Variants in C6orf58 observed in about 807,000 individuals in gnomAD.
The protein encoded by C6orf58 is chromosome 6 open reading frame 58, also known as protein LEG1 homolog.
A neutral mutation model predicts 37.0 loss-of-function variants in C6orf58; 30 were observed. That is an observed-to-expected ratio of 0.81 (90% CI 0.61 to 1.10). The LOEUF is 1.10. Ranked by LOEUF, C6orf58 falls within the 50% of genes least tolerant of loss-of-function variation. C6orf58 has a pLI of 0.00. For synonymous variants in C6orf58, 143 were observed against 134.1 expected (o/e 1.07, Z -0.46); for missense variants, 368 against 387.5 (o/e 0.95, Z 0.42).
chr6:127,588,173 C>T (rs559691823), intron 4 of C6orf58, among the ~76,000 whole-genome samples: 1 of 152,108 alleles, frequency 6.6e-6, no homozygotes, highest in African/African-American at 2.4e-5. Flanking sequence ...ATCAGACAAG[C>T]CTGGTTGTTT....
intron 4 of C6orf58, 65 bp downstream of exon 4, chr6:127,581,347 A>G (rs1202565114): frequency 2.9e-5 from 19 of 652,880 alleles, no homozygotes; most frequent in Non-Finnish European, 3.9e-5. Context: ...TTATTTATAT[A>G]TTTTTCTTCT....
chr6:127,581,646 A>G (rs1194849813), intron 4 of C6orf58, among the ~76,000 whole-genome samples: 1 of 152,180 alleles, frequency 6.6e-6, no homozygotes, highest in Non-Finnish European at 1.5e-5. Flanking sequence ...TAAATGTAGC[A>G]GAATTCACTT....
intron 3 of C6orf58, 138 bp downstream of exon 3, chr6:127,580,587 T>C (rs977533135): frequency 6.5e-6 from 4 of 611,092 alleles, no homozygotes; most frequent in East Asian, 5.5e-5. Flanking sequence ...ATTAATAGTA[T>C]ATTGTAGAGT....
rs1307928051 is a variant in C6orf58 at position 127,580,264 on chromosome 6, G to C, written c.389-1G>C. On this transcript the variant is annotated splice_acceptor_variant, in intron 2 of 5. Coordinates refer to ENST00000329722, the MANE Select transcript of C6orf58 (RefSeq NM_001010905.3). LOFTEE classifies it high-confidence loss of function. ...TAATAGTAAATCTTTTGTTCTTACA[G>C]ATTTGAATTATTTTCTGTCTTCATT... 2 of 1,605,630 alleles carry C rather than the reference G, an allele frequency of 1.2e-6. No individual in the cohort carries two copies. Among genetic ancestry groups the C allele is most frequent in the African/African-American group, 1.3e-5 (1 of 74,702 alleles).
chr6:127,590,598 T>C (rs1384334276), intron 5 of C6orf58, among the ~76,000 whole-genome samples: 17 of 152,096 alleles, frequency 1.1e-4, no homozygotes, highest in Admixed American at 1.1e-3. Flanking sequence ...ACACTTTTGT[T>C]TTGTTCTACA....
At chr6:127,577,554 A>T in intron 1 of C6orf58, 68 bp downstream of exon 1, 2 of 1,332,278 alleles carry the variant, frequency 1.5e-6, no homozygotes, top group Non-Finnish European at 2.1e-6. Context: ...GGGAAATTGG[A>T]CTCTGTATAT....
chr6:127,590,051 T>C (rs1775145428), intron 4 of C6orf58, 36 bp from the exon 5 acceptor site: 1 of 1,430,790 alleles, frequency 7.0e-7, no homozygotes, highest in Admixed American at 1.8e-5. Context: ...CTGAGGTGAC[T>C]AATTATAATT....
intron 3 of C6orf58, among the ~76,000 whole-genome samples, chr6:127,580,878 G>A (rs1431687829): frequency 6.6e-6 from 1 of 151,912 alleles, no homozygotes; most frequent in South Asian, 2.1e-4. Flanking sequence ...TGTTACTCAC[G>A]ATTTTATGGT....
At chr6:127,578,545 A>T (rs1041510822) in intron 1 of C6orf58, 141 bp from the exon 2 acceptor site, 25 of 507,584 alleles carry the variant, frequency 4.9e-5, no homozygotes, top group Non-Finnish European at 7.4e-5. Flanking sequence ...AGATAAAAAA[A>T]GAATGATGGG....
rs756672403 is a variant in C6orf58, at chr6:127,590,317, A to C, written c.905A>C (p.Lys302Thr). ...VLLNMLDNVDKSIGYLCTEKS... is the reference protein window; with the variant it reads ...VLLNMLDNVDTSIGYLCTEKS... ...CTAAATATGCTTGACAATGTGGATA[A>C]ATCTATAGGTAAGAACCTTAAAAGG... The change falls in exon 5 of 6, where the codon AAA (lysine) becomes ACA (threonine). Residue 302 changes from lysine to threonine, a missense_variant. Coordinates refer to ENST00000329722, the MANE Select transcript of C6orf58 (RefSeq NM_001010905.3). 1 of 1,589,808 alleles carries C rather than the reference A, an allele frequency of 6.3e-7. No individual in the cohort carries two copies. The highest frequency in any genetic ancestry group is 8.6e-7 in the Non-Finnish European group (1 of 1,161,420).
chr6:127,580,286 C>T lies in C6orf58; in HGVS notation c.410C>T (p.Ser137Leu). 1.2e-6 allele frequency: 2 copies of T among 1,611,700 alleles called. No homozygotes were observed. The highest frequency in any genetic ancestry group is 4.5e-5 in the East Asian group (2 of 44,798). The change falls in exon 3 of 6, where the codon TCA becomes TTA. Residue 137 changes from serine to leucine, a missense_variant. By Grantham distance (145) the Ser-to-Leu change is moderately radical. Coordinates refer to ENST00000329722, the MANE Select transcript of C6orf58 (RefSeq NM_001010905.3). The part of the protein sequence containing the change: ...WWADLNYFLS[S>L]LPFLAAVDSG... ...ACAGATTTGAATTATTTTCTGTCTTCATTACCCTTTCTTGCTGCGGTTGAT... is the reference window on the plus strand; with the variant it reads ...ACAGATTTGAATTATTTTCTGTCTTTATTACCCTTTCTTGCTGCGGTTGAT...
chr6:127,591,582 A>T lies in C6orf58; in HGVS notation c.953A>T (p.His318Leu). The change falls in exon 6 of 6, where the codon CAT becomes CTT. Residue 318 changes from histidine (H) to leucine (L), a missense_variant. Physicochemically the swap from His to Leu is moderately conservative, Grantham distance 99 (BLOSUM62 -3). Transcript: ENST00000329722. ...CTEKSNVYRD[H>L]SESSSRSYGN... ...GAAAAATCTAATGTATATAGAGATC[A>T]TTCGGAATCTAGCTCTAGAAGTTAT... is the stretch of plus-strand genomic sequence containing the variant. 1 of 1,532,592 alleles carries T rather than the reference A, an allele frequency of 6.5e-7. No individual in the cohort carries two copies. The highest frequency in any genetic ancestry group is 8.7e-7 in the Non-Finnish European group (1 of 1,146,148). 94.9% of individuals were successfully genotyped at this position (1,532,592 alleles called of 1,614,324 possible).
At chr6:127,582,333 A>G (rs1163636516) in intron 4 of C6orf58, among the ~76,000 whole-genome samples, 1 of 152,170 alleles carries the variant, frequency 6.6e-6, no homozygotes, top group Non-Finnish European at 1.5e-5. Context: ...AAGGAACCTC[A>G]ATGAATTGAA....
At chr6:127,588,932 C>A (rs1306357334) in intron 4 of C6orf58, among the ~76,000 whole-genome samples, 7 of 152,142 alleles carry the variant, frequency 4.6e-5, no homozygotes, top group Non-Finnish European at 1.0e-4. Flanking sequence ...ACACTTCTGT[C>A]ATCGACAATC....
At chr6:127,578,831 C>A (rs1775017769) in intron 2 of C6orf58, 59 bp downstream of exon 2, 3 of 1,268,344 alleles carry the variant, frequency 2.4e-6, no homozygotes, top group Non-Finnish European at 3.4e-6. Flanking sequence ...AGCATTCAAA[C>A]CTAAAATCTT....
At chr6:127,590,020 G>C in intron 4 of C6orf58, 67 bp from the exon 5 acceptor site, 1 of 1,021,918 alleles carries the variant, frequency 9.8e-7, no homozygotes, top group Non-Finnish European at 1.5e-6. Flanking sequence ...AATATTTTCT[G>C]AAGGCAATGA....
rs778210931 is a variant in C6orf58 at position 127,577,181 on chromosome 6, G to T, written c.-5G>T. ...GCTACGATCGCAATCCCCAGCTCTG[G>T]CACAATGGCTTTTCTTCCTTCCTGG... On this transcript the variant is annotated 5_prime_UTR_variant, in exon 1 of 6. Coordinates refer to ENST00000329722, the MANE Select transcript of C6orf58 (RefSeq NM_001010905.3). 8.7e-6 allele frequency: 14 copies of T among 1,611,904 alleles called. No homozygotes were observed. Among genetic ancestry groups the T allele is most frequent in the Non-Finnish European group, 1.2e-5 (14 of 1,178,996 alleles).
intron 4 of C6orf58, among the ~76,000 whole-genome samples, chr6:127,588,539 A>G (rs1344913510): frequency 6.6e-6 from 1 of 152,014 alleles, no homozygotes; most frequent in Non-Finnish European, 1.5e-5. Flanking sequence ...CTCAAATAAA[A>G]CTCTGTGGCT....
At chr6:127,578,822 G>A (rs766305044) in intron 2 of C6orf58, 50 bp downstream of exon 2, 1 of 1,353,172 alleles carries the variant, frequency 7.4e-7, no homozygotes, top group South Asian at 1.2e-5. Context: ...CTGAAAGAAA[G>A]CATTCAAACC....
Sources: allele counts gnomAD v4.1 joint callset (sites outside exome capture counted in the v4.1 genomes callset), GRCh38; gene constraint gnomAD v4.1.1; transcripts MANE v1.5; gene names NCBI Gene and HGNC (gene_info 2026-07-23, HGNC 2026-07-21).